The following PPCDC variants were observed in gnomAD, a reference collection of about 807,000 sequenced individuals.
PPCDC encodes phosphopantothenoylcysteine decarboxylase.
Under a neutral mutation model 20.7 loss-of-function variants are expected in PPCDC, and 20 were observed. The observed-to-expected ratio is 0.97, with a 90% CI of 0.68 to 1.41. The LOEUF (loss-of-function observed/expected upper bound fraction) is 1.41. PPCDC is among the 40% of genes most tolerant of loss of function. The probability of loss-of-function intolerance (pLI) is 0.00; values close to 1 mark genes in which losing one functional copy is unlikely to be tolerated. For synonymous variants in PPCDC, 88 were observed against 100.3 expected (o/e 0.88, Z 0.73); for missense variants, 246 against 263.8 (o/e 0.93, Z 0.47).
At chr15:75,028,067 T>G in intron 1 of PPCDC, 180 bp from the exon 2 acceptor site, 1 of 503,558 alleles carries the variant, frequency 2.0e-6, no homozygotes, top group Non-Finnish European at 3.5e-6. Context: ...ATCATTCCCT[T>G]GTGACTGGCC....
At chr15:75,029,544 C>T (rs2065996692) in intron 2 of PPCDC, among the ~76,000 whole-genome samples, 1 of 152,122 alleles carries the variant, frequency 6.6e-6, no homozygotes, top group Non-Finnish European at 1.5e-5. Context: ...TTACTTTCCA[C>T]CAACTTCCAC....
Position 75,042,379 on chromosome 15 carries a change from G to A in PPCDC, c.136-1062G>A, listed in dbSNP as rs186088397. Among the ~76,000 whole-genome samples, 120 of 152,186 alleles carry A rather than the reference G, an allele frequency of 7.9e-4. 1 individual carries two copies. The highest frequency in any genetic ancestry group is 2.2e-3 in the Admixed American group (33 of 15,274). On this transcript the variant is annotated intron_variant, in intron 2 of 5. Coordinates refer to ENST00000342932, the MANE Select transcript of PPCDC (RefSeq NM_021823.5). ...AAATCTTGTTTTACAGGCTGGGTGCGGTGGCTCACGCCTGTAACACTAGCA... is the reference window on the plus strand; with the variant it reads ...AAATCTTGTTTTACAGGCTGGGTGCAGTGGCTCACGCCTGTAACACTAGCA...
chr15:75,041,104 C>T (rs1486689379), intron 2 of PPCDC, among the ~76,000 whole-genome samples: 1 of 152,144 alleles, frequency 6.6e-6, no homozygotes, highest in African/African-American at 2.4e-5. Flanking sequence ...TTATTGTGCC[C>T]TCTTCTTTAC....
In PPCDC at chr15:75,028,316, C is replaced by A; in HGVS notation, c.-3C>A. On this transcript the variant is annotated 5_prime_UTR_variant, in exon 2 of 6. Coordinates refer to ENST00000342932, the MANE Select transcript of PPCDC (RefSeq NM_021823.5). ...CCCAGAACTTGAAGCCACCAGACCC[C>A]ACATGGAACCAAAGGCCTCCTGTCC... The A allele has an allele frequency of 6.2e-7, 1 of 1,614,016 alleles. No homozygotes were observed. Among genetic ancestry groups the A allele is most frequent in the East Asian group, 2.2e-5 (1 of 44,880 alleles).
rs193176579 is a variant in PPCDC at position 75,037,544 on chromosome 15, C to G, written c.136-5897C>G. Among the ~76,000 whole-genome samples, 294 of 152,054 alleles carry G rather than the reference C, an allele frequency of 1.9e-3. 1 individual carries two copies. The highest frequency in any genetic ancestry group is 6.9e-3 in the African/African-American group (287 of 41,470). ...TGTGGATTGCCCTAGCTCAGGAGTTCGAGACCAGCCTGGCCAACATGGTGA... is the reference window on the plus strand; with the variant it reads ...TGTGGATTGCCCTAGCTCAGGAGTTGGAGACCAGCCTGGCCAACATGGTGA... On this transcript the variant is annotated intron_variant, in intron 2 of 5. Transcript: ENST00000342932.
At chr15:75,026,928 T>A (rs1244025719) in intron 1 of PPCDC, among the ~76,000 whole-genome samples, 1 of 152,090 alleles carries the variant, frequency 6.6e-6, no homozygotes, top group African/African-American at 2.4e-5. Flanking sequence ...GAGCACACCA[T>A]GGTCAGGGCC....
intron 4 of PPCDC, among the ~76,000 whole-genome samples, chr15:75,046,552 A>G (rs1291014593): frequency 6.6e-6 from 1 of 152,250 alleles, no homozygotes; most frequent in Non-Finnish European, 1.5e-5. Flanking sequence ...GAAGTGAAAC[A>G]TGTTCCCAAG....
intron 4 of PPCDC, chr15:75,044,881 G>A: frequency 4.1e-6 from 1 of 246,722 alleles, no homozygotes; most frequent in South Asian, 4.4e-5. Context: ...TCCCGCTTCA[G>A]CTCTGCCTTC....
rs377588322 is a variant in PPCDC, at chr15:75,049,106, A to G, written c.530-44A>G. On this transcript the variant is annotated intron_variant, in intron 5 of 5. Transcript: ENST00000342932. ...AATGGGCAGGGGTCTGCAGGGCTAC[A>G]GGCACTGTTGGCCTGTCTGGCCACA... 15 of 1,546,470 alleles carry G rather than the reference A, an allele frequency of 9.7e-6. No homozygotes were observed. In the African/African-American group the frequency reaches 2.0e-4, roughly 21 times the overall value.
Position 75,048,536 on chromosome 15 carries a change from C to T in PPCDC, c.361-17C>T, listed in dbSNP as rs1332850246. On this transcript the variant is annotated splice_polypyrimidine_tract_variant and intron_variant, in intron 4 of 5. Coordinates refer to ENST00000342932, the MANE Select transcript of PPCDC (RefSeq NM_021823.5). ...GACAGAGTAGCAAGACCCCCACTTC[C>T]CTGGCCTTCTTCACAGACCTGCGTC... 1.9e-6 allele frequency: 3 copies of T among 1,611,598 alleles called. No homozygotes were observed. Among genetic ancestry groups the T allele is most frequent in the South Asian group, 1.1e-5 (1 of 90,812 alleles).
At chr15:75,036,254 T>C (rs4886649) in intron 2 of PPCDC, among the ~76,000 whole-genome samples, 32,435 of 152,182 alleles carry the variant, frequency 0.21, 4,770 homozygotes, top group Non-Finnish European at 0.34. Context: ...CATGGTTTTA[T>C]TTATTTATTT....
intron 2 of PPCDC, among the ~76,000 whole-genome samples, chr15:75,042,378 C>T (rs1442363716): frequency 2.0e-5 from 3 of 152,182 alleles, no homozygotes; most frequent in East Asian, 1.9e-4. Context: ...AGGCTGGGTG[C>T]GGTGGCTCAC....
chr15:75,034,035 A>G (rs911802741), intron 2 of PPCDC, among the ~76,000 whole-genome samples: 4 of 152,192 alleles, frequency 2.6e-5, no homozygotes, highest in Non-Finnish European at 5.9e-5. Context: ...CAGGTGGGAA[A>G]GGTCAGGGTC....
chr15:75,044,580 A>G, intron 4 of PPCDC, 66 bp downstream of exon 4: 5 of 1,565,054 alleles, frequency 3.2e-6, no homozygotes, highest in Admixed American at 1.8e-5. Context: ...AGCTGCAGAC[A>G]TCCTTGTACA....
At chr15:75,028,099 ACTTT>A (rs2065978336) in intron 1 of PPCDC, 144 bp from the exon 2 acceptor site, 1 of 570,226 alleles carries the variant, frequency 1.8e-6, no homozygotes, top group Non-Finnish European at 3.0e-6. Flanking sequence ...AAGGTGTCTC[ACTTT>A]CTTATCAAAC....
chr15:75,041,417 C>T (rs1221897119), intron 2 of PPCDC, among the ~76,000 whole-genome samples: 1 of 152,098 alleles, frequency 6.6e-6, no homozygotes, highest in Non-Finnish European at 1.5e-5. Context: ...ATTGCTTGAG[C>T]CTAGGAGTTT....
At chr15:75,049,098 A>T (rs1190613296) in intron 5 of PPCDC, 52 bp from the exon 6 acceptor site, 1 of 1,517,476 alleles carries the variant, frequency 6.6e-7, no homozygotes, top group Non-Finnish European at 9.1e-7. Flanking sequence ...AGGGGTCTGC[A>T]GGGCTACAGG....
intron 4 of PPCDC, among the ~76,000 whole-genome samples, chr15:75,045,640 T>G (rs2066222612): frequency 6.6e-6 from 1 of 152,172 alleles, no homozygotes; most frequent in African/African-American, 2.4e-5. Flanking sequence ...GCCAGTGATT[T>G]AAGCATCATT....
chr15:75,032,701 G>A (rs1315777293), intron 2 of PPCDC, among the ~76,000 whole-genome samples: 1 of 149,344 alleles, frequency 6.7e-6, no homozygotes, highest in Non-Finnish European at 1.5e-5. Flanking sequence ...GGAATAAGCA[G>A]GGTGTAGGAG....
Sources: gnomAD v4.1 joint callset for allele counts (sites outside exome capture counted in the v4.1 genomes callset) on GRCh38, gnomAD v4.1.1 for gene constraint, MANE v1.5 for transcripts, NCBI Gene and HGNC (gene_info 2026-07-23, HGNC 2026-07-21) for gene names.